The following SH2D4B variants were observed in gnomAD, a reference collection of about 807,000 sequenced individuals.
The protein encoded by SH2D4B is SH2 domain containing 4B, also known as SH2 domain-containing protein 4B.
Under a neutral mutation model 61.5 loss-of-function variants are expected in SH2D4B, and 45 were observed. The ratio of observed to expected loss-of-function variants is 0.73; its 90% CI spans 0.58 to 0.94. The LOEUF is 0.94. SH2D4B is among the 40% of genes least tolerant of loss of function. SH2D4B has a pLI of 0.00. For missense variants in SH2D4B, 572 were observed against 574.2 expected, an observed-to-expected ratio of 1.00 and a Z score of 0.04; for synonymous variants, 224 against 220.4, an observed-to-expected ratio of 1.02 and a Z score of -0.14.
chr10:80,549,310 T>A (rs1275413702), intron 1 of SH2D4B, among the ~76,000 whole-genome samples: 1 of 151,970 alleles, frequency 6.6e-6, no homozygotes, highest in Non-Finnish European at 1.5e-5. Context: ...ACCTTTCTGT[T>A]CCATCTGCCT....
At chr10:80,550,474 G>A (rs1841744554) in intron 1 of SH2D4B, among the ~76,000 whole-genome samples, 1 of 152,068 alleles carries the variant, frequency 6.6e-6, no homozygotes, top group Non-Finnish European at 1.5e-5. Context: ...GGCGCCTATA[G>A]TCCCAGCTAC....
At chr10:80,609,320 T>G in intron 5 of SH2D4B, 104 bp from the exon 6 acceptor site, 1 of 963,244 alleles carries the variant, frequency 1.0e-6, no homozygotes, top group Non-Finnish European at 1.4e-6. Flanking sequence ...TCCTCCTCCT[T>G]TTACCTTCCT....
rs2132097253 is a variant in SH2D4B, at chr10:80,538,412, C to T, written c.81C>T (p.Leu27=). 1.3e-6 allele frequency: 2 copies of T among 1,487,516 alleles called. No homozygotes were observed. The highest frequency in any genetic ancestry group is 1.8e-6 in the Non-Finnish European group (2 of 1,117,070). 92.1% of individuals were successfully genotyped at this position (1,487,516 alleles called of 1,614,324 possible). The change falls in exon 1 of 8, where the codon CTC becomes CTT. Residue 27 remains leucine (L), a synonymous_variant. Transcript: ENST00000646907. The surrounding 1 kb of genome is among the most constrained non-coding windows in gnomAD (Gnocchi z 4.8). ...TCAGCGATGTGCAGAAGCACATCCT[C>T]TTCTACAAAATGCGGGAGGAGCAGC... The part of the protein sequence containing the change: ...AELSDVQKHI[L]FYKMREEQLR...
intron 3 of SH2D4B, among the ~76,000 whole-genome samples, chr10:80,575,369 A>T (rs1842112885): frequency 6.6e-6 from 1 of 152,082 alleles, no homozygotes; most frequent in Non-Finnish European, 1.5e-5. Context: ...AAAGGGCCAG[A>T]TAGTAAATAT....
At chr10:80,638,407 G>A (rs978351790) in intron 7 of SH2D4B, among the ~76,000 whole-genome samples, 47 of 152,254 alleles carry the variant, frequency 3.1e-4, no homozygotes, top group African/African-American at 1.1e-3. Flanking sequence ...CTGTGAATCC[G>A]TGTGGTCCTG....
intron 1 of SH2D4B, among the ~76,000 whole-genome samples, chr10:80,551,217 T>C (rs1841757989): frequency 6.6e-6 from 1 of 152,116 alleles, no homozygotes. Context: ...CATGCCCGGC[T>C]AATATTTTTT....
intron 1 of SH2D4B, among the ~76,000 whole-genome samples, chr10:80,541,602 G>A (rs1461018625): frequency 6.6e-6 from 1 of 152,052 alleles, no homozygotes; most frequent in Non-Finnish European, 1.5e-5. Flanking sequence ...CTCTTTTCTG[G>A]GAACATTCCT....
chr10:80,563,266 C>T (rs1841929117), intron 1 of SH2D4B, among the ~76,000 whole-genome samples: 1 of 152,150 alleles, frequency 6.6e-6, no homozygotes, highest in Non-Finnish European at 1.5e-5. Context: ...AATATCTATT[C>T]TAGTCTTTTG....
intron 4 of SH2D4B, among the ~76,000 whole-genome samples, chr10:80,601,386 T>A (rs1222109917): frequency 6.6e-6 from 1 of 152,220 alleles, no homozygotes; most frequent in African/African-American, 2.4e-5. Context: ...GAGATATTTG[T>A]TGGTCTTATT....
intron 6 of SH2D4B, among the ~76,000 whole-genome samples, chr10:80,619,073 T>A (rs1186540254): frequency 1.3e-5 from 2 of 152,190 alleles, no homozygotes; most frequent in Non-Finnish European, 2.9e-5. Flanking sequence ...TCTGAGAACA[T>A]CTGTATGGAA....
In SH2D4B at chr10:80,538,539, A is replaced by G; in HGVS notation, c.184+24A>G. 1 of 1,346,762 alleles carries G rather than the reference A, an allele frequency of 7.4e-7. No homozygotes were observed. Among genetic ancestry groups the G allele is most frequent in the Admixed American group, 3.8e-5 (1 of 26,592 alleles). The allele number at this position is 1,346,762 out of a possible 1,614,324, so 83.4% of individuals were successfully genotyped here. Reference sequence around the variant, plus strand: ...AGGTACGTGGCTGGGAGTCACAGAGAGGTAGGCCACCAGTCCCCCAGGAGG... The same window carrying G: ...AGGTACGTGGCTGGGAGTCACAGAGGGGTAGGCCACCAGTCCCCCAGGAGG... On this transcript the variant is annotated intron_variant, in intron 1 of 7. Coordinates refer to ENST00000646907, the MANE Select transcript of SH2D4B (RefSeq NM_001388272.1). This position sits in a 1 kb window ranked among gnomAD's most constrained non-coding sequence, Gnocchi z 4.8.
At chr10:80,545,496 C>T (rs926764519) in intron 1 of SH2D4B, among the ~76,000 whole-genome samples, 2 of 151,682 alleles carry the variant, frequency 1.3e-5, no homozygotes, top group Non-Finnish European at 2.9e-5. Context: ...TCTCCCTTTT[C>T]TTCTTCTTCT....
chr10:80,545,098 C>T (rs542899407), intron 1 of SH2D4B, among the ~76,000 whole-genome samples: 1 of 152,224 alleles, frequency 6.6e-6, no homozygotes, highest in Non-Finnish European at 1.5e-5. Flanking sequence ...GTAAAATACA[C>T]ATAACATGAA....
Position 80,571,426 on chromosome 10 carries a change from G to T in SH2D4B, c.348-5G>T. The T allele has an allele frequency of 6.2e-7, 1 of 1,613,762 alleles. No individual in the cohort carries two copies. The stretch of plus-strand genomic sequence containing the variant: ...AAGCTTATACCTGTGGTGCTCTCTT[G>T]GTAGGAGACAGAAGGAGGCAGAGAT... On this transcript the variant is annotated splice_region_variant and splice_polypyrimidine_tract_variant and intron_variant, in intron 2 of 7. Transcript: ENST00000646907.
intron 3 of SH2D4B, among the ~76,000 whole-genome samples, chr10:80,587,885 C>T (rs149249356): frequency 1.2e-4 from 18 of 152,248 alleles, no homozygotes; most frequent in Admixed American, 3.3e-4. Context: ...ACTATAATGG[C>T]CTCCAGATGC....
At chr10:80,618,309 G>A (rs536478104) in intron 6 of SH2D4B, among the ~76,000 whole-genome samples, 95 of 152,340 alleles carry the variant, frequency 6.2e-4, no homozygotes, top group African/African-American at 2.1e-3. Flanking sequence ...TTTACTGGGT[G>A]ATACCACTCT....
At chr10:80,563,430 T>C (rs1384772070) in intron 1 of SH2D4B, among the ~76,000 whole-genome samples, 1 of 152,254 alleles carries the variant, frequency 6.6e-6, no homozygotes, top group Non-Finnish European at 1.5e-5. Flanking sequence ...TTTCCTTGGC[T>C]GTGCAGAAGC....
chr10:80,572,961 TATATATATATATATATATATATATA>T (rs1398224582), intron 3 of SH2D4B, among the ~76,000 whole-genome samples: 79 of 6,858 alleles, frequency 0.012, 1 homozygote, highest in African/African-American at 0.024. Context: ...TATATATATA[TATATATATATATATATATATATATA>T]TTTTTTTTTT....
Position 80,644,137 on chromosome 10 carries a change from C to T in SH2D4B, c.*52C>T, listed in dbSNP as rs1201630153. On this transcript the variant is annotated 3_prime_UTR_variant, in exon 8 of 8. Coordinates refer to ENST00000646907, the MANE Select transcript of SH2D4B (RefSeq NM_001388272.1). ...TTTGGTATCCTGTTTTTGAACTCAG[C>T]TTAAGAACTTCTCATCTCAAATCCT... 3 of 1,425,436 alleles carry T rather than the reference C, an allele frequency of 2.1e-6. No homozygotes were observed. In the African/African-American group the frequency reaches 4.2e-5, roughly 20 times the overall value. 88.3% of individuals were successfully genotyped at this position (1,425,436 alleles called of 1,614,324 possible).
Sources: gnomAD v4.1 joint callset for allele counts (sites outside exome capture counted in the v4.1 genomes callset) on GRCh38, gnomAD v4.1.1 for gene constraint, Gnocchi (gnomAD v3.1) non-coding constraint, MANE v1.5 for transcripts, NCBI Gene and HGNC (gene_info 2026-07-23, HGNC 2026-07-21) for gene names.